Variants in EPG5 observed in about 807,000 individuals in gnomAD.
EPG5 encodes the protein ectopic P-granules 5 autophagy tethering factor, also known as ectopic P granules protein 5 homolog.
EPG5 carries 159 observed loss-of-function variants against 302.7 expected under a neutral mutation model. The ratio of observed to expected loss-of-function variants is 0.53; its 90% CI spans 0.46 to 0.60. The LOEUF (loss-of-function observed/expected upper bound fraction) is 0.60. Among genes scored for constraint, EPG5 ranks in the 20% least tolerant of loss-of-function variants. The pLI, the probability that EPG5 is intolerant of heterozygous loss-of-function variation, is 0.00. For synonymous variants in EPG5, 1,158 were observed against 1,136.8 expected (o/e 1.02, Z -0.37); for missense variants, 2,896 against 3,092.4 (o/e 0.94, Z 1.51).
chr18:45,906,938 G>A (rs1206854247), intron 24 of EPG5, among the ~76,000 whole-genome samples: 1 of 152,232 alleles, frequency 6.6e-6, no homozygotes, highest in African/African-American at 2.4e-5. Context: ...TTACAGGCGT[G>A]GGCCATGCAC....
chr18:45,906,317 C>G (rs896606479), intron 24 of EPG5, among the ~76,000 whole-genome samples: 1 of 152,166 alleles, frequency 6.6e-6, no homozygotes, highest in African/African-American at 2.4e-5. Flanking sequence ...CTTCAAAATA[C>G]AAGCCAAATT....
Position 45,848,061 on chromosome 18 carries a change from TACTCCTGGAC to T in EPG5, c.*4396_*4405del, listed in dbSNP as rs1343944857. ...GAGTGAAGGAAACCTCAAATACAGC[TACTCCTGGAC>T]ACTGATGCCCGAGGCATGCTGTGGA... On this transcript the variant is annotated 3_prime_UTR_variant, in exon 44 of 44. Coordinates refer to ENST00000282041, the MANE Select transcript of EPG5 (RefSeq NM_020964.3). 6.6e-6 allele frequency: 1 copy of T among 152,130 alleles called. No individual in the cohort carries two copies. Among genetic ancestry groups the T allele is most frequent in the African/African-American group, 2.4e-5 (1 of 41,412 alleles). The allele number at this position is 152,130 out of a possible 1,614,324, so 9.4% of individuals were successfully genotyped here.
At chr18:45,837,697 G>A in the EPG5 span, 13 of 1,478,726 alleles carry the variant, frequency 8.8e-6, no homozygotes, top group South Asian at 1.4e-4. Context: ...CTGCGGCGCG[G>A]GGCAGCGAGC....
intron 42 of EPG5, among the ~76,000 whole-genome samples, chr18:45,856,657 A>C (rs959749552): frequency 6.6e-6 from 1 of 152,264 alleles, no homozygotes; most frequent in Non-Finnish European, 1.5e-5. Context: ...AAACAAAAAA[A>C]CATGACGTTA....
rs1355050874 is a variant in EPG5, at chr18:45,878,037, G to A, written c.5942+339C>T. 2.0e-5 allele frequency among the ~76,000 whole-genome samples: 3 copies of A among 152,238 alleles called. No individual in the cohort carries two copies. In the East Asian group the frequency reaches 5.8e-4, roughly 29 times the overall value. Reference sequence around the variant, plus strand: ...AACTTAGTTCCAAAACACAACTGATGTAGTAGAGAAAAATCAGTCTCATAA... The same window carrying A: ...AACTTAGTTCCAAAACACAACTGATATAGTAGAGAAAAATCAGTCTCATAA... On this transcript the variant is annotated intron_variant, in intron 34 of 43. Coordinates refer to ENST00000282041, the MANE Select transcript of EPG5 (RefSeq NM_020964.3).
intron 36 of EPG5, 162 bp from the exon 37 acceptor site, chr18:45,867,910 A>G: frequency 4.3e-6 from 3 of 697,410 alleles, no homozygotes; most frequent in Non-Finnish European, 7.8e-6. Flanking sequence ...AATATTTGTA[A>G]TATCTTTCCT....
At chr18:45,946,354 A>C (rs1330477043) in intron 7 of EPG5, among the ~76,000 whole-genome samples, 1 of 152,178 alleles carries the variant, frequency 6.6e-6, no homozygotes, top group East Asian at 1.9e-4. Context: ...ATATGACTTT[A>C]ATTTCCAGGT....
chr18:45,896,836 C>G (rs72918337), intron 27 of EPG5, among the ~76,000 whole-genome samples: 2 of 152,124 alleles, frequency 1.3e-5, no homozygotes, highest in African/African-American at 4.8e-5. Flanking sequence ...AGTGACCCAC[C>G]ACGCTCAGCC....
chr18:45,913,937 C>A (rs2049969796), intron 20 of EPG5, 109 bp from the exon 21 acceptor site: 1 of 1,372,888 alleles, frequency 7.3e-7, no homozygotes, highest in East Asian at 2.4e-5. Context: ...GCTCAATCAG[C>A]AAATATTTGC....
At chr18:45,916,688 T>G in intron 17 of EPG5, 106 bp from the exon 18 acceptor site, 1 of 1,244,194 alleles carries the variant, frequency 8.0e-7, no homozygotes, top group Non-Finnish European at 1.1e-6. Flanking sequence ...GGTCCCATTT[T>G]TCGACCAAAG....
chr18:45,875,970 T>C (rs2048960731), intron 35 of EPG5, among the ~76,000 whole-genome samples: 1 of 151,660 alleles, frequency 6.6e-6, no homozygotes, highest in Non-Finnish European at 1.5e-5. Context: ...GGCAGGAGAA[T>C]TGCTTGAATC....
Position 45,883,627 on chromosome 18 carries a change from T to G in EPG5, c.5304+990A>C, listed in dbSNP as rs867459892. On this transcript the variant is annotated intron_variant, in intron 30 of 43. Coordinates refer to ENST00000282041, the MANE Select transcript of EPG5 (RefSeq NM_020964.3). ...CACTAGCCTGGTGTTTTTTTTTTTTTTTTTTTTTTTTTTTGTACAGACAGG... is the reference window on the plus strand; with the variant it reads ...CACTAGCCTGGTGTTTTTTTTTTTTGTTTTTTTTTTTTTTGTACAGACAGG... 7.7e-4 allele frequency among the ~76,000 whole-genome samples: 106 copies of G among 137,336 alleles called. 4 individuals carry two copies. In the Middle Eastern group the frequency reaches 0.011, roughly 14 times the overall value. 90.1% of individuals were successfully genotyped at this position (137,336 alleles called of 152,430 possible). A position where few individuals can be genotyped will look rare whatever the true frequency, so the allele number is the denominator to read the frequency against.
chr18:45,879,895 C>T (rs1267266417), intron 32 of EPG5, among the ~76,000 whole-genome samples, 180 bp downstream of exon 32: 3 of 152,098 alleles, frequency 2.0e-5, no homozygotes, highest in East Asian at 3.8e-4. Context: ...AAGAATTAGA[C>T]TCAGGGGAAT....
Position 45,936,720 on chromosome 18 carries a change from CAAAAAAAAAA to C in EPG5, c.2100-1764_2100-1755del, listed in dbSNP as rs762675563. Among the ~76,000 whole-genome samples the C allele has an allele frequency of 5.4e-4, 29 of 53,846 alleles. No individual in the cohort carries two copies. The East Asian group carries it at 0.013, about 24-fold the overall frequency. The allele number at this position is 53,846 out of a possible 152,430, so 35.3% of individuals were successfully genotyped here. A position where few individuals can be genotyped will look rare whatever the true frequency, so the allele number is the denominator to read the frequency against. On this transcript the variant is annotated intron_variant, in intron 10 of 43. Transcript: ENST00000282041. The stretch of plus-strand genomic sequence containing the variant: ...TGGACAACAGAGTGAGACTCCATTT[CAAAAAAAAAA>C]AAAAAAAAAGGAAATCTGCAAAGGA...
At position 45,929,018 on chromosome 18, in the gene EPG5, G is replaced by A. The variant is rs1394335237; in HGVS notation, c.2413-9C>T. 2 of 1,611,786 alleles carry A rather than the reference G, an allele frequency of 1.2e-6. No individual in the cohort carries two copies. The highest frequency in any genetic ancestry group is 1.7e-5 in the Admixed American group (1 of 59,610). ...AAGGTGACATAAGATACCTAAATGG[G>A]GGGAAGGGGGAAGAAGATGGCACTT... On this transcript the variant is annotated splice_polypyrimidine_tract_variant and intron_variant, in intron 12 of 43. Coordinates refer to ENST00000282041, the MANE Select transcript of EPG5 (RefSeq NM_020964.3).
At chr18:45,872,419 C>T (rs1173048296) in intron 35 of EPG5, among the ~76,000 whole-genome samples, 2 of 152,124 alleles carry the variant, frequency 1.3e-5, no homozygotes, top group Non-Finnish European at 2.9e-5. Context: ...AAATGGCCAA[C>T]GAGGCTGTGT....
the EPG5 span, chr18:45,838,829 C>T: frequency 4.5e-6 from 7 of 1,565,174 alleles, no homozygotes; most frequent in South Asian, 6.9e-5. Flanking sequence ...TCCGGCCCGG[C>T]CCTGGGCAAC....
chr18:45,934,953 G>A lies in EPG5; in HGVS notation c.2113C>T (p.Leu705=), dbSNP rs1328654185. The change falls in exon 11 of 44, where the codon CTG becomes TTG. Residue 705 remains leucine, a synonymous_variant. Coordinates refer to ENST00000282041, the MANE Select transcript of EPG5 (RefSeq NM_020964.3). ...CCAAAGGGCATCTCGGACATAAACA[G>A]CCAAATGCCAAGTCTGCATGTAAGC... is the stretch of plus-strand genomic sequence containing the variant. ...VLKAKRLGIW[L]FMSEMPFGTL... 6.2e-7 allele frequency: 1 copy of A among 1,610,536 alleles called. No homozygotes were observed. The highest frequency in any genetic ancestry group is 8.5e-7 in the Non-Finnish European group (1 of 1,178,918).
chr18:45,838,836 C>A, the EPG5 span: 5 of 1,568,924 alleles, frequency 3.2e-6, no homozygotes, highest in East Asian at 2.3e-5. Flanking sequence ...CGGCCCTGGG[C>A]AACAGCTTGG....
Sources: gnomAD v4.1 joint callset for allele counts (sites outside exome capture counted in the v4.1 genomes callset) on GRCh38, gnomAD v4.1.1 for gene constraint, MANE v1.5 for transcripts, NCBI Gene and HGNC (gene_info 2026-07-23, HGNC 2026-07-21) for gene names.